Variants in PCDHGB4 observed in about 807,000 individuals in gnomAD.
The protein encoded by PCDHGB4 is protocadherin gamma-B4.
In PCDHGB4, 38 loss-of-function variants were observed where a neutral mutation model predicts 60.5. The ratio of observed to expected loss-of-function variants is 0.63; its 90% confidence interval spans 0.48 to 0.82. The LOEUF (loss-of-function observed/expected upper bound fraction) is 0.82, where lower values mean the gene tolerates loss of function less well. Ranked by LOEUF, PCDHGB4 falls within the 40% of genes least tolerant of loss-of-function variation. PCDHGB4 has a pLI of 0.00. For synonymous variants in PCDHGB4, 456 were observed against 509.7 expected (o/e 0.89, Z 1.42); for missense variants, 1,109 against 1,209.6 (o/e 0.92, Z 1.23).
intron 1 of PCDHGB4, chr5:141,414,036 A>G: frequency 6.2e-7 from 1 of 1,612,018 alleles, no homozygotes; most frequent in South Asian, 1.1e-5. Context: ...CATTCCGAAA[A>G]TTACCTGACA....
chr5:141,432,700 G>A lies in PCDHGB4; in HGVS notation c.2397+42419G>A. On this transcript the variant is annotated intron_variant, in intron 1 of 3. Transcript: ENST00000519479. The surrounding 1 kb of genome is among the most constrained non-coding windows in gnomAD (Gnocchi z 6.0). ...AGCAGAGCCTCGTAGTGGCCGTCCAGGACCACGGCCAGCCCCCTCTCTCCG... is the reference window on the plus strand; with the variant it reads ...AGCAGAGCCTCGTAGTGGCCGTCCAAGACCACGGCCAGCCCCCTCTCTCCG... The A allele has an allele frequency of 6.2e-7, 1 of 1,613,980 alleles. No individual in the cohort carries two copies. The highest frequency in any genetic ancestry group is 8.5e-7 in the Non-Finnish European group (1 of 1,179,978).
chr5:141,430,967 G>A lies in PCDHGB4; in HGVS notation c.2397+40686G>A, dbSNP rs746992307. 5 of 1,613,256 alleles carry A rather than the reference G, an allele frequency of 3.1e-6. No individual in the cohort carries two copies. In the East Asian group the frequency reaches 6.7e-5, roughly 22 times the overall value. On this transcript the variant is annotated intron_variant, in intron 1 of 3. Coordinates refer to ENST00000519479, the MANE Select transcript of PCDHGB4 (RefSeq NM_003736.4). ...GCGCGGAGTCCGCATCATCCCCAGA[G>A]GTAGGACGCAGCTTTTCGCCCTGAA... is the stretch of plus-strand genomic sequence containing the variant.
chr5:141,502,331 G>C lies in PCDHGB4; in HGVS notation c.2457-3062G>C, dbSNP rs555959890. ...TCCTTTAATCTGGAGCCAGCTCCCA[G>C]TCTTTTTATTTTTTTAATGACATGG... On this transcript the variant is annotated intron_variant, in intron 2 of 3. Transcript: ENST00000519479. Among the ~76,000 whole-genome samples, 42 of 152,102 alleles carry C rather than the reference G, an allele frequency of 2.8e-4. No individual in the cohort carries two copies. The South Asian group carries it at 6.2e-3, about 23-fold the overall frequency.
At chr5:141,502,864 G>GTTTTTTTT in intron 2 of PCDHGB4, among the ~76,000 whole-genome samples, 3 of 61,566 alleles carry the variant, frequency 4.9e-5, no homozygotes, top group African/African-American at 2.4e-4. Context: ...CTGACTCTCT[G>GTTTTTTTT]TCTTTTTTTT....
In PCDHGB4 at chr5:141,477,794, C is replaced by A. The variant is rs148942362; in HGVS notation, c.2398-17013C>A. On this transcript the variant is annotated intron_variant, in intron 1 of 3. Coordinates refer to ENST00000519479, the MANE Select transcript of PCDHGB4 (RefSeq NM_003736.4). This position sits in a 1 kb window ranked among gnomAD's most constrained non-coding sequence, Gnocchi z 4.9. ...CAGCGTGAACATATTTGTCACTGAT[C>A]GCAATGACAATGCCCCCCAGGTCCT... The A allele has an allele frequency of 5.6e-6, 9 of 1,614,086 alleles. No individual in the cohort carries two copies. Among genetic ancestry groups the A allele is most frequent in the Non-Finnish European group, 7.6e-6 (9 of 1,180,030 alleles).
chr5:141,393,534 G>T, intron 1 of PCDHGB4: 1 of 1,613,928 alleles, frequency 6.2e-7, no homozygotes, highest in Non-Finnish European at 8.5e-7. Context: ...CAATGCCCCG[G>T]TTTTTCCTCA....
chr5:141,399,396 G>A (rs2093799031), intron 1 of PCDHGB4: 1 of 1,613,842 alleles, frequency 6.2e-7, no homozygotes, highest in African/African-American at 1.3e-5. Flanking sequence ...CCACAGACAG[G>A]GGCAAGCCGC....
At chr5:141,455,185 T>C (rs1334330699) in intron 1 of PCDHGB4, among the ~76,000 whole-genome samples, 1 of 152,064 alleles carries the variant, frequency 6.6e-6, no homozygotes, top group Admixed American at 6.6e-5. Flanking sequence ...TTTTTATTTC[T>C]CTACAAATTT....
chr5:141,499,689 CTTTTTTTT>C (rs545067566), intron 2 of PCDHGB4, among the ~76,000 whole-genome samples: 2 of 119,856 alleles, frequency 1.7e-5, no homozygotes, highest in Non-Finnish European at 3.5e-5. Flanking sequence ...TAACAGATGA[CTTTTTTTT>C]TTTTTTTTTT....
chr5:141,474,500 C>G (rs183956979), intron 1 of PCDHGB4, among the ~76,000 whole-genome samples: 31 of 152,324 alleles, frequency 2.0e-4, no homozygotes, highest in African/African-American at 6.3e-4. Context: ...CTTCTAATGC[C>G]TATCAGCCCT....
At chr5:141,427,164 C>T (rs1171285271) in intron 1 of PCDHGB4, 1 of 456,682 alleles carries the variant, frequency 2.2e-6, no homozygotes, top group Non-Finnish European at 4.4e-6. Context: ...TGTGCTAGAC[C>T]ATCAAAATGG....
intron 1 of PCDHGB4, chr5:141,416,492 A>G (rs183273356): frequency 1.4e-4 from 22 of 152,306 alleles, no homozygotes; most frequent in Admixed American, 1.4e-3. Flanking sequence ...AACAGGAGCA[A>G]GAGATATATG....
chr5:141,423,268 T>G (rs752667215), intron 1 of PCDHGB4: 1 of 1,613,552 alleles, frequency 6.2e-7, no homozygotes, highest in South Asian at 1.1e-5. Flanking sequence ...CAGCCTCGAG[T>G]CTCTGGCTAA....
intron 1 of PCDHGB4, chr5:141,419,006 A>T: frequency 6.2e-7 from 1 of 1,614,006 alleles, no homozygotes. Context: ...TGGGGAAGTC[A>T]GGTGTAGCTT....
chr5:141,419,936 G>T, intron 1 of PCDHGB4: 2 of 1,614,074 alleles, frequency 1.2e-6, no homozygotes, highest in Non-Finnish European at 1.7e-6. Context: ...GTTTTACCTG[G>T]TGGTGGCCTT....
chr5:141,423,297 C>G lies in PCDHGB4; in HGVS notation c.2397+33016C>G, dbSNP rs1322889810. 3 of 1,614,170 alleles carry G rather than the reference C, an allele frequency of 1.9e-6. 1 individual carries two copies. The South Asian group carries it at 3.3e-5, about 18-fold the overall frequency. The stretch of plus-strand genomic sequence containing the variant: ...TGGCTAACTCTGAAACCTCAGACCT[C>G]TCGCTGTACTTGGTGGTGGCGGTGG... On this transcript the variant is annotated intron_variant, in intron 1 of 3. Transcript: ENST00000519479.
rs752796935 is a variant in PCDHGB4, at chr5:141,399,900, C to T, written c.2397+9619C>T. ...TGGTGACCAAGGTAGTGGCCGTGGACGCAGACTCAGGACACAACGCCTGGC... is the reference window on the plus strand; with the variant it reads ...TGGTGACCAAGGTAGTGGCCGTGGATGCAGACTCAGGACACAACGCCTGGC... On this transcript the variant is annotated intron_variant, in intron 1 of 3. Coordinates refer to ENST00000519479, the MANE Select transcript of PCDHGB4 (RefSeq NM_003736.4). The T allele has an allele frequency of 7.4e-6, 12 of 1,612,414 alleles. 1 individual carries two copies. In the South Asian group the frequency reaches 9.9e-5, roughly 13 times the overall value.
At chr5:141,397,725 C>T (rs1292048088) in intron 1 of PCDHGB4, among the ~76,000 whole-genome samples, 1 of 152,180 alleles carries the variant, frequency 6.6e-6, no homozygotes, top group Non-Finnish European at 1.5e-5. Flanking sequence ...ATTTGGAAAA[C>T]AGAGAAAGAT....
chr5:141,413,198 C>G, intron 1 of PCDHGB4: 1 of 1,611,416 alleles, frequency 6.2e-7, no homozygotes, highest in Non-Finnish European at 8.5e-7. Context: ...AGGAATCGCT[C>G]AAAGGAATCA....
Sources: gnomAD v4.1 joint callset for allele counts (sites outside exome capture counted in the v4.1 genomes callset) on GRCh38, gnomAD v4.1.1 for gene constraint, Gnocchi (gnomAD v3.1) non-coding constraint, MANE v1.5 for transcripts, NCBI Gene and HGNC (gene_info 2026-07-23, HGNC 2026-07-21) for gene names.